PLCZ1: variants seen among roughly 807,000 people sequenced by gnomAD.
PLCZ1 encodes 1-phosphatidylinositol 4,5-bisphosphate phosphodiesterase zeta-1.
PLCZ1 carries 64 observed loss-of-function variants against 76.8 expected under a neutral mutation model. The ratio of observed to expected loss-of-function variants is 0.83; its 90% CI spans 0.68 to 1.03. The LOEUF is 1.03. Among genes scored for constraint, PLCZ1 ranks in the 50% least tolerant of loss-of-function variants. The pLI, the probability that PLCZ1 is intolerant of heterozygous loss-of-function variation, is 0.00. For synonymous variants in PLCZ1, 248 were observed against 230.8 expected (o/e 1.07, Z -0.68); for missense variants, 751 against 713.7 (o/e 1.05, Z -0.60).
chr12:18,708,518 T>G (rs1285824149), intron 6 of PLCZ1, among the ~76,000 whole-genome samples: 1 of 152,226 alleles, frequency 6.6e-6, no homozygotes, highest in Non-Finnish European at 1.5e-5. Context: ...CCTTTGGGTA[T>G]GTACCCAGAA....
At chr12:18,651,949 G>A in the PLCZ1 span, among the ~76,000 whole-genome samples, 2 of 152,060 alleles carry the variant, frequency 1.3e-5, no homozygotes, top group African/African-American at 2.4e-5. Flanking sequence ...GGATCTCTAA[G>A]GATTCCAAAA....
At chr12:18,724,377 C>T (rs1958626425) in intron 3 of PLCZ1, among the ~76,000 whole-genome samples, 1 of 152,046 alleles carries the variant, frequency 6.6e-6, no homozygotes, top group Non-Finnish European at 1.5e-5. Flanking sequence ...GTTAGAAAAA[C>T]TGGTAGAACT....
In PLCZ1 at chr12:18,694,988, T is replaced by C; in HGVS notation, c.1383A>G (p.Pro461=). 6.2e-7 allele frequency: 1 copy of C among 1,610,070 alleles called. No individual in the cohort carries two copies. The highest frequency in any genetic ancestry group is 8.5e-7 in the Non-Finnish European group (1 of 1,176,602). ...DNGGSGYILK[P]HFLRESKSYF... is the part of the protein sequence containing the mutation. ...ATGATTTACTCTCTCTTAAGAAATG[T>C]GGTTTCAAAATATATCCAGAACCAC... Residue 461 remains proline, a synonymous_variant, in exon 12 of 15, where the codon CCA becomes CCG. Transcript: ENST00000266505.
rs747562068 is a variant in PLCZ1 at position 18,736,344 on chromosome 12, T to C, written c.12A>G (p.Arg4=). 5 of 1,610,982 alleles carry C rather than the reference T, an allele frequency of 3.1e-6. No individual in the cohort carries two copies. The highest frequency in any genetic ancestry group is 1.3e-5 in the African/African-American group (1 of 74,880). Residue 4 remains arginine (R), a splice_region_variant and synonymous_variant, in exon 3 of 15, where the codon AGA becomes AGG. Transcript: ENST00000266505. The part of the protein sequence containing the change: MEM[R]WFLSKIQDDF... ...CATCCTGAATCTTTGACAAAAACCATGTAGAAGCACAAAAAAGTTAAGGAA... is the reference window on the plus strand; with the variant it reads ...CATCCTGAATCTTTGACAAAAACCACGTAGAAGCACAAAAAAGTTAAGGAA...
downstream of PLCZ1, among the ~76,000 whole-genome samples, chr12:18,682,671 G>T (rs753021144): frequency 7.2e-5 from 11 of 151,968 alleles, no homozygotes; most frequent in Non-Finnish European, 1.5e-4. Flanking sequence ...AATACAGTTT[G>T]CAGGCAAATC....
At chr12:18,658,163 T>G in the PLCZ1 span, among the ~76,000 whole-genome samples, 1 of 151,806 alleles carries the variant, frequency 6.6e-6, no homozygotes, top group East Asian at 1.9e-4. Flanking sequence ...ACAAAAGGAA[T>G]AAAGAAAAAT....
chr12:18,731,659 C>T (rs1438801899), intron 3 of PLCZ1, among the ~76,000 whole-genome samples: 1 of 150,346 alleles, frequency 6.7e-6, no homozygotes, highest in Non-Finnish European at 1.5e-5. Flanking sequence ...TTTGTGTAAC[C>T]AATAACAACT....
intron 13 of PLCZ1, among the ~76,000 whole-genome samples, chr12:18,686,283 G>T (rs977763938): frequency 6.6e-6 from 1 of 151,854 alleles, no homozygotes; most frequent in Non-Finnish European, 1.5e-5. Flanking sequence ...ACTCAACTCT[G>T]TTAAAGTTAT....
chr12:18,662,308 A>ATAAAG, the PLCZ1 span, among the ~76,000 whole-genome samples: 78,998 of 151,612 alleles, frequency 0.52, 21,711 homozygotes, highest in South Asian at 0.67. Context: ...ACCTCTAAAC[A>ATAAAG]TAAAGGTTTT....
At chr12:18,721,908 C>T (rs1205390241) in intron 4 of PLCZ1, among the ~76,000 whole-genome samples, 2 of 152,118 alleles carry the variant, frequency 1.3e-5, no homozygotes, top group East Asian at 3.9e-4. Flanking sequence ...TTGCATGGCA[C>T]TGAGTCATGA....
At chr12:18,694,376 G>A (rs1042496837) in intron 12 of PLCZ1, among the ~76,000 whole-genome samples, 1 of 152,084 alleles carries the variant, frequency 6.6e-6, no homozygotes, top group Non-Finnish European at 1.5e-5. Context: ...TGTTAAAGTT[G>A]ACACAAATTA....
At chr12:18,709,411 T>G (rs193241831) in intron 6 of PLCZ1, among the ~76,000 whole-genome samples, 10 of 152,316 alleles carry the variant, frequency 6.6e-5, no homozygotes, top group African/African-American at 2.4e-4. Flanking sequence ...GCTGTATTGA[T>G]TACTATAGCT....
intron 6 of PLCZ1, among the ~76,000 whole-genome samples, chr12:18,712,256 G>C (rs1233604226): frequency 6.6e-6 from 1 of 152,096 alleles, no homozygotes; most frequent in Non-Finnish European, 1.5e-5. Context: ...GTGTTATTTA[G>C]AACTCCTTAA....
the PLCZ1 span, among the ~76,000 whole-genome samples, chr12:18,653,878 C>CT: frequency 6.6e-6 from 1 of 152,068 alleles, no homozygotes; most frequent in East Asian, 1.9e-4. Flanking sequence ...AAATAAGTGA[C>CT]TGAGATTATT....
chr12:18,687,815 A>G (rs1219530685), intron 13 of PLCZ1, among the ~76,000 whole-genome samples: 1 of 152,090 alleles, frequency 6.6e-6, no homozygotes, highest in Non-Finnish European at 1.5e-5. Context: ...ATTCGGTGAT[A>G]TGAGAGAAAA....
At chr12:18,673,351 C>T in the PLCZ1 span, among the ~76,000 whole-genome samples, 1 of 152,046 alleles carries the variant, frequency 6.6e-6, no homozygotes, top group East Asian at 1.9e-4. Flanking sequence ...TATGTCCCCA[C>T]TGAGAAAATA....
the PLCZ1 span, chr12:18,648,317 AG>A: frequency 4.3e-6 from 1 of 235,156 alleles, no homozygotes. Flanking sequence ...AATTAAACAT[AG>A]GTTTACATTT....
At chr12:18,667,940 G>A in the PLCZ1 span, among the ~76,000 whole-genome samples, 1 of 151,884 alleles carries the variant, frequency 6.6e-6, no homozygotes, top group South Asian at 2.1e-4. Flanking sequence ...GGGGAGCAGG[G>A]GAAAACTTTG....
the PLCZ1 span, among the ~76,000 whole-genome samples, chr12:18,664,248 A>G: frequency 1.3e-5 from 2 of 152,236 alleles, no homozygotes; most frequent in African/African-American, 4.8e-5. Context: ...GATTTACCAC[A>G]TAATCCTACA....
Sources: allele counts gnomAD v4.1 joint callset (sites outside exome capture counted in the v4.1 genomes callset), GRCh38; gene constraint gnomAD v4.1.1; transcripts MANE v1.5; gene names NCBI Gene and HGNC (gene_info 2026-07-23, HGNC 2026-07-21).